DNMT3A: variants seen among roughly 807,000 people sequenced by gnomAD.
The protein encoded by DNMT3A is DNA methyltransferase 3 alpha.
Under a neutral mutation model 117.6 loss-of-function variants are expected in DNMT3A, and 267 were observed. That is an observed-to-expected ratio of 2.27 (90% confidence interval 2.05 to 2.51). The LOEUF (loss-of-function observed/expected upper bound fraction) is 2.51, where lower values mean the gene tolerates loss of function less well. DNMT3A is among the 30% of genes most tolerant of loss of function. The pLI is 0.00. For missense variants in DNMT3A, 1,029 were observed against 1,260.2 expected (o/e 0.82, Z 2.78); for synonymous variants, 432 against 474.8 (o/e 0.91, Z 1.17).
intron 2 of DNMT3A, among the ~76,000 whole-genome samples, chr2:25,300,604 T>C (rs1438373990): frequency 3.9e-4 from 3 of 7,632 alleles, no homozygotes; most frequent in African/African-American, 7.2e-4. Flanking sequence ...CATATATATA[T>C]CTAAATAATA....
Position 25,240,366 on chromosome 2 carries a change from C to G in DNMT3A, c.2258G>C (p.Trp753Ser), listed in dbSNP as rs775537912. ...PKEGDDRPFF[W>S]LFENVVAMGV... ...CATGGCCACCACATTCTCAAAGAGC[C>G]AGAAGAAGGGGCGATCATCTCCCTC... The change falls in exon 19 of 23, where the codon TGG (tryptophan) becomes TCG (serine). Residue 753 changes from tryptophan to serine, a missense_variant. By Grantham distance (177) the Trp-to-Ser change is radical. Coordinates refer to ENST00000321117, the MANE Select transcript of DNMT3A (RefSeq NM_022552.5). The G allele has an allele frequency of 6.2e-7, 1 of 1,614,158 alleles. No individual in the cohort carries two copies. Among genetic ancestry groups the G allele is most frequent in the Non-Finnish European group, 8.5e-7 (1 of 1,180,006 alleles).
Position 25,232,024 on chromosome 2 carries a change from T to A in DNMT3A, c.*2255A>T, listed in dbSNP as rs1023078356. 6.6e-6 allele frequency: 1 copy of A among 152,220 alleles called. No individual in the cohort carries two copies. Among genetic ancestry groups the A allele is most frequent in the African/African-American group, 2.4e-5 (1 of 41,408 alleles). 9.4% of individuals were successfully genotyped at this position (152,220 alleles called of 1,614,324 possible). On this transcript the variant is annotated 3_prime_UTR_variant, in exon 23 of 23. Coordinates refer to ENST00000321117, the MANE Select transcript of DNMT3A (RefSeq NM_022552.5). This position sits in a 1 kb window ranked among gnomAD's most constrained non-coding sequence, Gnocchi z 4.1. ...TGTGTATGCGTGTGAGATTGACTGA[T>A]TGGTGTGGGGTTTAGGTCTGCAGTG...
rs1309659676 is a variant in DNMT3A, at chr2:25,296,792, G to C, written c.177+3347C>G. 6.6e-6 allele frequency among the ~76,000 whole-genome samples: 1 copy of C among 152,228 alleles called. No individual in the cohort carries two copies. The highest frequency in any genetic ancestry group is 1.5e-5 in the Non-Finnish European group (1 of 68,028). Reference sequence around the variant, plus strand: ...CAGACAGTCCTTGGGGGCAAAAGGAGGAGAGAGCCCAGGATTTCTTGGGCT... The same window carrying C: ...CAGACAGTCCTTGGGGGCAAAAGGACGAGAGAGCCCAGGATTTCTTGGGCT... On this transcript the variant is annotated intron_variant, in intron 3 of 22. Transcript: ENST00000321117. The surrounding 1 kb of genome is among the most constrained non-coding windows in gnomAD (Gnocchi z 4.2).
chr2:25,299,969 T>C (rs2033334737), intron 3 of DNMT3A, among the ~76,000 whole-genome samples, 170 bp downstream of exon 3: 2 of 151,830 alleles, frequency 1.3e-5, no homozygotes, highest in South Asian at 4.2e-4. Context: ...AACAGGGAAA[T>C]GTGAGGGTGG....
Position 25,239,151 on chromosome 2 carries a change from C to A in DNMT3A, c.2387G>T (p.Gly796Val), listed in dbSNP as rs781138077. The A allele has an allele frequency of 1.9e-6, 3 of 1,614,046 alleles. No individual in the cohort carries two copies. The highest frequency in any genetic ancestry group is 2.5e-6 in the Non-Finnish European group (3 of 1,179,936). The change falls in exon 20 of 23, where the codon GGT becomes GTT. Residue 796 changes from glycine to valine, a missense_variant. Transcript: ENST00000321117. ...CAACCTGTTCATACCGGGAAGGTTA[C>A]CCCAGAAGTAGCGGGCCCTGTGTGC... ...SAAHRARYFWGNLPGMNRPLA... is the reference protein window; with the variant it reads ...SAAHRARYFWVNLPGMNRPLA...
At chr2:25,259,316 G>A (rs1253884910) in intron 6 of DNMT3A, among the ~76,000 whole-genome samples, 1 of 152,194 alleles carries the variant, frequency 6.6e-6, no homozygotes, top group Non-Finnish European at 1.5e-5. Flanking sequence ...AGGGGTGGGA[G>A]AGTAGCAGTA....
In DNMT3A at chr2:25,230,205, T is replaced by G. The variant is rs139689947; in HGVS notation, c.*4074A>C. The G allele has an allele frequency of 1.8e-4, 28 of 152,434 alleles. No individual in the cohort carries two copies. The highest frequency in any genetic ancestry group is 6.5e-4 in the African/African-American group (27 of 41,594). The allele number at this position is 152,434 out of a possible 1,614,324, so 9.4% of individuals were successfully genotyped here. On this transcript the variant is annotated 3_prime_UTR_variant, in exon 23 of 23. Transcript: ENST00000321117. The stretch of plus-strand genomic sequence containing the variant: ...GGACAGCAACAGATTCATGTCATCA[T>G]CTATGGACTGCAGACCCCTGCTAGT...
Position 25,246,193 on chromosome 2 carries a change from T to TG in DNMT3A, c.1395dup (p.Lys466GlnfsTer7). ...CGCTCATCAATAATCTCCTTGACCTTGGGCTTCTCCGCTGTGCTCTTCCGG... is the reference window on the plus strand; with the variant it reads ...CGCTCATCAATAATCTCCTTGACCTTGGGGCTTCTCCGCTGTGCTCTTCCGG... On this transcript the variant is annotated frameshift_variant, in exon 11 of 23. Transcript: ENST00000321117. LOFTEE classifies it high-confidence loss of function. 1 of 1,614,150 alleles carries TG rather than the reference T, an allele frequency of 6.2e-7. No individual in the cohort carries two copies. Among genetic ancestry groups the TG allele is most frequent in the Non-Finnish European group, 8.5e-7 (1 of 1,179,986 alleles).
In DNMT3A at chr2:25,305,954, C is replaced by T. The variant is rs568409501; in HGVS notation, c.73-5711G>A. On this transcript the variant is annotated intron_variant, in intron 2 of 22. Transcript: ENST00000321117. This position sits in a 1 kb window ranked among gnomAD's most constrained non-coding sequence, Gnocchi z 4.1. ...AGATGTCTCGAGTTGGTGCTTGAGT[C>T]GAGGGGATGAACTTGCCGGATCTAG... Among the ~76,000 whole-genome samples the T allele has an allele frequency of 3.3e-5, 5 of 152,298 alleles. No individual in the cohort carries two copies. In the South Asian group the frequency reaches 8.3e-4, roughly 25 times the overall value.
chr2:25,315,538 CG>C (rs1558736665), intron 1 of DNMT3A, among the ~76,000 whole-genome samples: 1 of 152,190 alleles, frequency 6.6e-6, no homozygotes, highest in Non-Finnish European at 1.5e-5. Flanking sequence ...GCCCGGGTCC[CG>C]AGAGGGTGGA....
At chr2:25,322,372 G>A (rs538283536) in intron 1 of DNMT3A, among the ~76,000 whole-genome samples, 1 of 152,000 alleles carries the variant, frequency 6.6e-6, no homozygotes, top group Admixed American at 6.6e-5. Flanking sequence ...AAATCATCAC[G>A]TCCCACAGAA....
chr2:25,335,668 T>G (rs1233886780), intron 1 of DNMT3A, among the ~76,000 whole-genome samples: 1 of 151,734 alleles, frequency 6.6e-6, no homozygotes, highest in Non-Finnish European at 1.5e-5. Flanking sequence ...AGACTAGGAG[T>G]CAGGAGACCC....
At chr2:25,267,032 G>C (rs999038810) in intron 6 of DNMT3A, among the ~76,000 whole-genome samples, 3 of 152,058 alleles carry the variant, frequency 2.0e-5, no homozygotes, top group Admixed American at 1.3e-4. Context: ...ATAACAGAAT[G>C]GCTAAATAAA....
At chr2:25,251,047 T>A (rs1675468212) in intron 6 of DNMT3A, among the ~76,000 whole-genome samples, 1 of 150,412 alleles carries the variant, frequency 6.6e-6, no homozygotes, top group Admixed American at 6.7e-5. Flanking sequence ...CTGTTCAGCA[T>A]CCCCAGCCCA....
rs1573358370 is a variant in DNMT3A at position 25,252,367 on chromosome 2, T to A, written c.640-4115A>T. The A allele has an allele frequency of 1.6e-6, 1 of 637,900 alleles. No individual in the cohort carries two copies. The allele number at this position is 637,900 out of a possible 1,614,324, so 39.5% of individuals were successfully genotyped here. A position where few individuals can be genotyped will look rare whatever the true frequency, so the allele number is the denominator to read the frequency against. On this transcript the variant is annotated intron_variant, in intron 6 of 22. Coordinates refer to ENST00000321117, the MANE Select transcript of DNMT3A (RefSeq NM_022552.5). The surrounding 1 kb of genome is among the most constrained non-coding windows in gnomAD (Gnocchi z 5.5). The stretch of plus-strand genomic sequence containing the variant: ...GGGGGGGAGGGAGGGAACATTTTCT[T>A]TGTCTAGGACTCCAGGTCACGTGGG...
rs1672831356 is a variant in DNMT3A, at chr2:25,230,664, G to A, written c.*3615C>T. ...AGGCCCCAGCGTTGAGGTGGATTAAGCATATCTCAGCTTGGCCAAGTTGGC... is the reference window on the plus strand; with the variant it reads ...AGGCCCCAGCGTTGAGGTGGATTAAACATATCTCAGCTTGGCCAAGTTGGC... On this transcript the variant is annotated 3_prime_UTR_variant, in exon 23 of 23. Coordinates refer to ENST00000321117, the MANE Select transcript of DNMT3A (RefSeq NM_022552.5). 1.3e-5 allele frequency: 2 copies of A among 152,264 alleles called. No individual in the cohort carries two copies. Among genetic ancestry groups the A allele is most frequent in the Admixed American group, 6.6e-5 (1 of 15,262 alleles). The allele number at this position is 152,264 out of a possible 1,614,324, so 9.4% of individuals were successfully genotyped here. A position where few individuals can be genotyped will look rare whatever the true frequency, so the allele number is the denominator to read the frequency against.
At chr2:25,317,127 C>T (rs1260603296) in intron 1 of DNMT3A, among the ~76,000 whole-genome samples, 3 of 152,084 alleles carry the variant, frequency 2.0e-5, no homozygotes, top group Admixed American at 2.0e-4. Context: ...AGTATCATAG[C>T]TCAATGCAGC....
rs1672755555 is a variant in DNMT3A, at chr2:25,228,331, A to G, written c.*5948T>C. On this transcript the variant is annotated 3_prime_UTR_variant, in exon 23 of 23. Transcript: ENST00000321117. ...AGAAAAGAGGAACTTAAGAGAAAGG[A>G]AAGAGGGCTGGGGAGGGAAGAGTCT... 6.6e-6 allele frequency: 1 copy of G among 150,736 alleles called. No individual in the cohort carries two copies. Among genetic ancestry groups the G allele is most frequent in the Non-Finnish European group, 1.5e-5 (1 of 67,792 alleles). The allele number at this position is 150,736 out of a possible 1,614,324, so 9.3% of individuals were successfully genotyped here.
intron 2 of DNMT3A, among the ~76,000 whole-genome samples, chr2:25,310,736 G>A (rs537806803): frequency 1.3e-5 from 2 of 152,040 alleles, no homozygotes; most frequent in Admixed American, 6.5e-5. Flanking sequence ...GTGACCCTGC[G>A]CTCCAGGCTA....
Sources: allele counts gnomAD v4.1 joint callset (sites outside exome capture counted in the v4.1 genomes callset), GRCh38; gene constraint gnomAD v4.1.1; non-coding constraint Gnocchi (gnomAD v3.1); transcripts MANE v1.5; gene names NCBI Gene and HGNC (gene_info 2026-07-23, HGNC 2026-07-21).